The following LIMCH1 variants were observed in gnomAD, a reference collection of about 807,000 sequenced individuals.
LIMCH1 encodes LIM and calponin homology domains 1.
LIMCH1 carries 113 observed loss-of-function variants against 176.5 expected under a neutral mutation model. The ratio of observed to expected loss-of-function variants is 0.64; its 90% CI spans 0.55 to 0.75. The LOEUF (loss-of-function observed/expected upper bound fraction) is 0.75, where lower values mean the gene tolerates loss of function less well. Among genes scored for constraint, LIMCH1 ranks in the 30% least tolerant of loss-of-function variants. LIMCH1 has a pLI of 0.00. For missense variants in LIMCH1, 1,674 were observed against 1,814.9 expected (o/e 0.92, Z 1.41); for synonymous variants, 619 against 645.9 (o/e 0.96, Z 0.63).
chr4:41,671,845 AC>A (rs1296983034), intron 22 of LIMCH1, among the ~76,000 whole-genome samples: 1 of 142,136 alleles, frequency 7.0e-6, no homozygotes, highest in Non-Finnish European at 1.5e-5. Flanking sequence ...AGATCGTGTC[AC>A]TGCACTCCAG....
At chr4:41,695,615 A>G (rs1730048618) in intron 31 of LIMCH1, among the ~76,000 whole-genome samples, 1 of 152,114 alleles carries the variant, frequency 6.6e-6, no homozygotes, top group Admixed American at 6.6e-5. Flanking sequence ...ATATGTTTTA[A>G]TATTGGGTAA....
intron 1 of LIMCH1, among the ~76,000 whole-genome samples, chr4:41,543,659 GA>G (rs2078978172): frequency 6.6e-6 from 1 of 152,138 alleles, no homozygotes. Flanking sequence ...TCTTTGGTCT[GA>G]GTCTCAGCTC....
intron 1 of LIMCH1, among the ~76,000 whole-genome samples, chr4:41,467,238 T>A (rs1353146137): frequency 1.3e-5 from 2 of 151,122 alleles, no homozygotes; most frequent in Non-Finnish European, 2.9e-5. Context: ...CAAGGGACAT[T>A]TGGGTTGTTT....
rs140105541 is a variant in LIMCH1 at position 41,405,628 on chromosome 4, A to C, written c.96+44692A>C. On this transcript the variant is annotated intron_variant, in intron 1 of 26. Coordinates refer to the LIMCH1 transcript ENST00000313860. ...AGTCCATTACCCCTCCTCTCACCCT[A>C]CAGGCCTTACTCAGTAACTTGTGCA... 8.7e-4 allele frequency among the ~76,000 whole-genome samples: 132 copies of C among 152,214 alleles called. 5 individuals are homozygous for C. Among genetic ancestry groups the C allele is most frequent in the African/African-American group, 3.1e-3 (128 of 41,518 alleles).
chr4:41,410,061 G>A (rs1272906788), intron 1 of LIMCH1, among the ~76,000 whole-genome samples: 1 of 152,072 alleles, frequency 6.6e-6, no homozygotes, highest in Non-Finnish European at 1.5e-5. Context: ...GGTCATATAA[G>A]GGCTTTATAT....
chr4:41,591,238 T>TTG (rs2087499879), intron 1 of LIMCH1, among the ~76,000 whole-genome samples: 1 of 139,798 alleles, frequency 7.2e-6, no homozygotes, highest in African/African-American at 3.3e-5. Context: ...TTTCTTTCTT[T>TTG]CTTTCTTGCT....
chr4:41,505,356 G>A (rs913507077), intron 2 of LIMCH1, among the ~76,000 whole-genome samples: 106 of 152,238 alleles, frequency 7.0e-4, no homozygotes, highest in African/African-American at 2.4e-3. Flanking sequence ...TCGCTCCCTT[G>A]GGCTGCCAGC....
chr4:41,675,462 C>T (rs987148699), intron 22 of LIMCH1, among the ~76,000 whole-genome samples: 1 of 148,156 alleles, frequency 6.7e-6, no homozygotes, highest in Non-Finnish European at 1.5e-5. Flanking sequence ...CCCACCCGTG[C>T]CTTGCTTTTT....
At chr4:41,584,341 C>T (rs2086066170) in intron 1 of LIMCH1, among the ~76,000 whole-genome samples, 2 of 152,166 alleles carry the variant, frequency 1.3e-5, no homozygotes, top group African/African-American at 4.8e-5. Flanking sequence ...TGATGAGCCA[C>T]AACCAGAGTG....
At chr4:41,426,354 C>A (rs936280324) in intron 1 of LIMCH1, among the ~76,000 whole-genome samples, 3 of 152,166 alleles carry the variant, frequency 2.0e-5, no homozygotes, top group Non-Finnish European at 1.5e-5. Flanking sequence ...CCAGGTGATT[C>A]TTAGTTCTTT....
chr4:41,550,900 A>G (rs183921513), intron 1 of LIMCH1, among the ~76,000 whole-genome samples: 1 of 152,314 alleles, frequency 6.6e-6, no homozygotes, highest in African/African-American at 2.4e-5. Flanking sequence ...TAATCGGGGC[A>G]CACACTTTAC....
At chr4:41,366,171 G>A (rs2052943074) in intron 1 of LIMCH1, among the ~76,000 whole-genome samples, 1 of 152,162 alleles carries the variant, frequency 6.6e-6, no homozygotes, top group Non-Finnish European at 1.5e-5. Context: ...TAAAAATTAT[G>A]TTAATGATGC....
chr4:41,422,827 G>C (rs1163663910), intron 1 of LIMCH1, among the ~76,000 whole-genome samples: 1 of 152,036 alleles, frequency 6.6e-6, no homozygotes, highest in Non-Finnish European at 1.5e-5. Flanking sequence ...ACACAATCAT[G>C]GCTCACTGCC....
chr4:41,402,182 T>G (rs1170329998), intron 1 of LIMCH1, among the ~76,000 whole-genome samples: 1 of 152,114 alleles, frequency 6.6e-6, no homozygotes, highest in African/African-American at 2.4e-5. Context: ...GAACAGACAC[T>G]TCTCAAAAGA....
At chr4:41,547,879 A>ATATG (rs1331694443) in intron 1 of LIMCH1, among the ~76,000 whole-genome samples, 2 of 141,282 alleles carry the variant, frequency 1.4e-5, no homozygotes, top group African/African-American at 5.2e-5. Flanking sequence ...ATATATATAT[A>ATATG]TATATATATA....
chr4:41,543,290 TATTA>T (rs2078919342), intron 1 of LIMCH1, among the ~76,000 whole-genome samples: 1 of 152,078 alleles, frequency 6.6e-6, no homozygotes, highest in Non-Finnish European at 1.5e-5. Flanking sequence ...AATAGAAATA[TATTA>T]ATTTACATTT....
At chr4:41,654,031 G>GT (rs1374918900) in intron 18 of LIMCH1, among the ~76,000 whole-genome samples, 1 of 152,130 alleles carries the variant, frequency 6.6e-6, no homozygotes, top group Non-Finnish European at 1.5e-5. Context: ...CCTATTACCT[G>GT]TTTTTTGAAA....
intron 1 of LIMCH1, among the ~76,000 whole-genome samples, chr4:41,590,009 A>G (rs972837513): frequency 1.3e-5 from 2 of 151,588 alleles, no homozygotes; most frequent in African/African-American, 4.9e-5. Context: ...CCCCACATCC[A>G]CTCAATGGCC....
intron 4 of LIMCH1, among the ~76,000 whole-genome samples, chr4:41,608,969 T>G (rs1262003869): frequency 1.3e-5 from 2 of 152,132 alleles, no homozygotes; most frequent in East Asian, 3.8e-4. Context: ...TCTAGCTCCT[T>G]GCCCAGAAAA....
Sources: gnomAD v4.1 joint callset for allele counts (sites outside exome capture counted in the v4.1 genomes callset) on GRCh38, gnomAD v4.1.1 for gene constraint, MANE v1.5 for transcripts, NCBI Gene and HGNC (gene_info 2026-07-23, HGNC 2026-07-21) for gene names.